The following PRKAR1B variants were observed in gnomAD, a reference collection of about 807,000 sequenced individuals.
PRKAR1B encodes the protein cAMP-dependent protein kinase type I-beta regulatory subunit.
In PRKAR1B, 22 loss-of-function variants were observed where a neutral mutation model predicts 46.5. The ratio of observed to expected loss-of-function variants is 0.47; its 90% CI spans 0.34 to 0.68. The LOEUF (loss-of-function observed/expected upper bound fraction) is 0.68. PRKAR1B is among the 30% of genes least tolerant of loss of function. The pLI, the probability that PRKAR1B is intolerant of heterozygous loss-of-function variation, is 0.01. For synonymous variants in PRKAR1B, 259 were observed against 217.7 expected (o/e 1.19, Z -1.67); for missense variants, 445 against 535.6 (o/e 0.83, Z 1.67).
chr7:670,867 C>T (rs1786210181), intron 4 of PRKAR1B, among the ~76,000 whole-genome samples: 1 of 152,102 alleles, frequency 6.6e-6, no homozygotes, highest in Non-Finnish European at 1.5e-5. Flanking sequence ...TCCGAGCTCC[C>T]CCATGCCACG....
At chr7:572,883 C>A (rs1300400450) in intron 9 of PRKAR1B, among the ~76,000 whole-genome samples, 1 of 152,234 alleles carries the variant, frequency 6.6e-6, no homozygotes, top group East Asian at 1.9e-4. Flanking sequence ...GGAAGAATGA[C>A]AGTGAGCAGA....
rs150367999 is a variant in PRKAR1B at position 611,233 on chromosome 7, G to A, written c.441-3781C>T. Among the ~76,000 whole-genome samples the A allele has an allele frequency of 2.7e-3, 412 of 152,358 alleles. 2 individuals are homozygous for A. Among genetic ancestry groups the A allele is most frequent in the African/African-American group, 9.2e-3 (384 of 41,588 alleles). On this transcript the variant is annotated intron_variant, in intron 4 of 10. Coordinates refer to ENST00000537384, the MANE Select transcript of PRKAR1B (RefSeq NM_001164760.2). ...CTATAGGGGCAGAGCCCTCCTCCGA[G>A]CAGAGCATGTGCCTCCCTCTCGTCC...
chr7:607,610 T>C (rs1354712216), intron 4 of PRKAR1B, among the ~76,000 whole-genome samples, 158 bp from the exon 5 acceptor site: 1 of 152,230 alleles, frequency 6.6e-6, no homozygotes, highest in Non-Finnish European at 1.5e-5. Context: ...AAATCCTTCA[T>C]GACCCGAAGG....
At chr7:573,467 C>T (rs1256469560) in intron 9 of PRKAR1B, among the ~76,000 whole-genome samples, 8 of 152,034 alleles carry the variant, frequency 5.3e-5, no homozygotes, top group South Asian at 2.1e-4. Flanking sequence ...TGCAGGAGCG[C>T]GTGGGGGCTC....
intron 4 of PRKAR1B, among the ~76,000 whole-genome samples, chr7:618,013 C>T (rs913321980): frequency 6.6e-6 from 1 of 152,178 alleles, no homozygotes; most frequent in African/African-American, 2.4e-5. Flanking sequence ...CACTTTCCCC[C>T]ACCCTCCGCC....
chr7:619,832 CTGT>C (rs1319048612), intron 4 of PRKAR1B, among the ~76,000 whole-genome samples: 2 of 151,648 alleles, frequency 1.3e-5, no homozygotes, highest in Non-Finnish European at 2.9e-5. Context: ...CTTTTTCTTT[CTGT>C]TGTTTTGTTT....
chr7:661,923 C>T (rs1454980207), intron 4 of PRKAR1B, among the ~76,000 whole-genome samples: 2 of 81,846 alleles, frequency 2.4e-5, no homozygotes, highest in East Asian at 5.0e-4. Context: ...CCCACCCCAA[C>T]GGGTCCAAAT....
chr7:649,362 G>A (rs1051570667), intron 4 of PRKAR1B, among the ~76,000 whole-genome samples: 2 of 151,974 alleles, frequency 1.3e-5, no homozygotes, highest in African/African-American at 4.8e-5. Flanking sequence ...TTGAATGTTT[G>A]GAATTATTTT....
At position 638,474 on chromosome 7, in the gene PRKAR1B, G is replaced by A. The variant is rs144485581; in HGVS notation, c.441-31022C>T. ...TGCACTCAGCCACCTGCCTCTCCCC[G>A]AGGGTCTCTCCTAGACACATCACGG... On this transcript the variant is annotated intron_variant, in intron 4 of 10. Coordinates refer to ENST00000537384, the MANE Select transcript of PRKAR1B (RefSeq NM_001164760.2). Among the ~76,000 whole-genome samples, 726 of 152,200 alleles carry A rather than the reference G, an allele frequency of 4.8e-3. 3 individuals carry two copies. Among genetic ancestry groups the A allele is most frequent in the Middle Eastern group, 0.01 (3 of 294 alleles).
chr7:693,490 C>T (rs1779554751), intron 2 of PRKAR1B, among the ~76,000 whole-genome samples: 1 of 151,926 alleles, frequency 6.6e-6, no homozygotes. Context: ...TTCACAGAAG[C>T]GGAATTGCGC....
At chr7:662,494 T>C (rs1785656726) in intron 4 of PRKAR1B, among the ~76,000 whole-genome samples, 1 of 72,772 alleles carries the variant, frequency 1.4e-5, no homozygotes, top group African/African-American at 5.6e-5. Context: ...CTCCCCCCCA[T>C]GCCACAGGTC....
At chr7:603,121 C>T (rs1781739484) in intron 6 of PRKAR1B, 1 of 152,270 alleles carries the variant, frequency 6.6e-6, no homozygotes, top group Non-Finnish European at 1.5e-5. Flanking sequence ...AACCCCAAGC[C>T]CTGCCGATGC....
chr7:600,578 C>T (rs1378818368), intron 6 of PRKAR1B, among the ~76,000 whole-genome samples: 1 of 152,276 alleles, frequency 6.6e-6, no homozygotes, highest in African/African-American at 2.4e-5. Flanking sequence ...AGCTGAGGCG[C>T]CCTGCTCCGG....
At chr7:663,128 G>A (rs915467306) in intron 4 of PRKAR1B, among the ~76,000 whole-genome samples, 9 of 152,186 alleles carry the variant, frequency 5.9e-5, no homozygotes, top group African/African-American at 9.7e-5. Flanking sequence ...GGGCCCACCC[G>A]CGGGAAGAAT....
At chr7:726,485 G>A (rs1380524501) in intron 1 of PRKAR1B, 2 of 373,064 alleles carry the variant, frequency 5.4e-6, no homozygotes, top group East Asian at 3.9e-5. Flanking sequence ...ACCCTCCCGA[G>A]ACCTTCCCCA....
At chr7:590,219 G>T (rs1209662983) in intron 7 of PRKAR1B, among the ~76,000 whole-genome samples, 3 of 152,244 alleles carry the variant, frequency 2.0e-5, no homozygotes, top group Non-Finnish European at 4.4e-5. Flanking sequence ...CCAGCAAAGG[G>T]TGTGAAACCA....
intron 4 of PRKAR1B, among the ~76,000 whole-genome samples, chr7:656,304 TAATG>T (rs753064630): frequency 2.0e-5 from 3 of 151,522 alleles, no homozygotes; most frequent in Non-Finnish European, 4.4e-5. Context: ...ATACATGAGC[TAATG>T]AATGAATGAA....
At chr7:717,026 C>T (rs1168998450) in intron 1 of PRKAR1B, among the ~76,000 whole-genome samples, 1 of 152,184 alleles carries the variant, frequency 6.6e-6, no homozygotes, top group African/African-American at 2.4e-5. Context: ...CGCAGTGCCT[C>T]CCACCTGTAA....
intron 2 of PRKAR1B, among the ~76,000 whole-genome samples, chr7:698,455 C>A (rs1026771421): frequency 6.6e-6 from 1 of 151,206 alleles, no homozygotes; most frequent in Non-Finnish European, 1.5e-5. Context: ...AGTACGTGTG[C>A]GTGTGTGCAT....
Sources: allele counts gnomAD v4.1 joint callset (sites outside exome capture counted in the v4.1 genomes callset), GRCh38; gene constraint gnomAD v4.1.1; transcripts MANE v1.5; gene names NCBI Gene and HGNC (gene_info 2026-07-23, HGNC 2026-07-21).